CSNK1G1: variants seen among roughly 807,000 people sequenced by gnomAD.
The protein encoded by CSNK1G1 is casein kinase 1 gamma 1.
In CSNK1G1, 22 loss-of-function variants were observed where a neutral mutation model predicts 59.6. The ratio of observed to expected loss-of-function variants is 0.37; its 90% CI spans 0.26 to 0.53. CSNK1G1 has a LOEUF of 0.53. Among genes scored for constraint, CSNK1G1 ranks in the 20% least tolerant of loss-of-function variants. CSNK1G1 has a pLI of 0.89. For synonymous variants in CSNK1G1, 179 were observed against 177.1 expected (o/e 1.01, Z -0.08); for missense variants, 384 against 519.5 (o/e 0.74, Z 2.54).
At chr15:64,182,333 G>A (rs940764141) in intron 10 of CSNK1G1, among the ~76,000 whole-genome samples, 11 of 152,054 alleles carry the variant, frequency 7.2e-5, no homozygotes, top group Non-Finnish European at 1.3e-4. Context: ...TTGGCTTCCC[G>A]AAGTGCTGGG....
At chr15:64,307,618 A>C (rs1047606890) in intron 1 of CSNK1G1, among the ~76,000 whole-genome samples, 2 of 152,224 alleles carry the variant, frequency 1.3e-5, no homozygotes, top group Non-Finnish European at 2.9e-5. Context: ...TCTAATCTTC[A>C]GACTACATTT....
intron 6 of CSNK1G1, among the ~76,000 whole-genome samples, chr15:64,209,699 A>G (rs2140257570): frequency 6.6e-6 from 1 of 151,728 alleles, no homozygotes; most frequent in East Asian, 2.0e-4. Flanking sequence ...ACACAACCTA[A>G]GGATGCACAA....
chr15:64,173,048 G>A (rs1025962299), intron 11 of CSNK1G1, among the ~76,000 whole-genome samples: 2 of 152,228 alleles, frequency 1.3e-5, no homozygotes, highest in Non-Finnish European at 2.9e-5. Context: ...ATGGAGGGCA[G>A]TAAAGTTGGA....
At chr15:64,267,043 G>A (rs1893022752) in intron 2 of CSNK1G1, among the ~76,000 whole-genome samples, 1 of 152,070 alleles carries the variant, frequency 6.6e-6, no homozygotes. Context: ...ATCACTTGAG[G>A]ACAGGAGTTC....
chr15:64,317,043 C>G (rs1187467450), intron 1 of CSNK1G1: 2 of 152,126 alleles, frequency 1.3e-5, no homozygotes, highest in Non-Finnish European at 1.5e-5. Context: ...CCTGCTACAT[C>G]ATAATTCGTA....
At chr15:64,204,840 C>T (rs972852493) in intron 8 of CSNK1G1, 25 bp downstream of exon 8, 4 of 1,500,044 alleles carry the variant, frequency 2.7e-6, no homozygotes, top group Non-Finnish European at 2.8e-6. Context: ...CTCAGTCACA[C>T]TGGAATGTCT....
At chr15:64,268,220 G>A (rs1287659495) in intron 2 of CSNK1G1, among the ~76,000 whole-genome samples, 1 of 152,152 alleles carries the variant, frequency 6.6e-6, no homozygotes, top group African/African-American at 2.4e-5. Flanking sequence ...AATTAGCCAG[G>A]CACAGAAACA....
At chr15:64,212,772 G>A (rs1445548805) in intron 6 of CSNK1G1, among the ~76,000 whole-genome samples, 3 of 152,190 alleles carry the variant, frequency 2.0e-5, no homozygotes, top group East Asian at 3.9e-4. Flanking sequence ...TTGGGAGGCC[G>A]AGGCAGGCAG....
rs74846329 is a variant in CSNK1G1 at position 64,294,396 on chromosome 15, A to G, written c.181+5923T>C. Among the ~76,000 whole-genome samples the G allele has an allele frequency of 8.4e-3, 1,281 of 152,206 alleles. 19 individuals are homozygous for G. Among genetic ancestry groups the G allele is most frequent in the African/African-American group, 0.029 (1,202 of 41,548 alleles). On this transcript the variant is annotated intron_variant, in intron 2 of 11. Transcript: ENST00000303052. Reference sequence around the variant, plus strand: ...GCCATAAGAGGAAGCTTAGAGCACAATTTGATTGCATTTCTAAAATATGTC... The same window carrying G: ...GCCATAAGAGGAAGCTTAGAGCACAGTTTGATTGCATTTCTAAAATATGTC...
rs2081655001 is a variant in CSNK1G1 at position 64,170,775 on chromosome 15, T to A, written c.*1156A>T. On this transcript the variant is annotated 3_prime_UTR_variant, in exon 12 of 12. Coordinates refer to ENST00000303052, the MANE Select transcript of CSNK1G1 (RefSeq NM_022048.5). The stretch of plus-strand genomic sequence containing the variant: ...CAGCATGGGAAACAATTTCAATTTT[T>A]TTTTGTTAAGCATCTCCTTCTCTGG... 6.6e-6 allele frequency: 1 copy of A among 152,584 alleles called. No homozygotes were observed. Among genetic ancestry groups the A allele is most frequent in the Non-Finnish European group, 1.5e-5 (1 of 68,034 alleles). 9.5% of individuals were successfully genotyped at this position (152,584 alleles called of 1,614,324 possible).
intron 3 of CSNK1G1, among the ~76,000 whole-genome samples, chr15:64,255,828 G>C (rs1456484142): frequency 6.6e-6 from 1 of 152,168 alleles, no homozygotes; most frequent in East Asian, 1.9e-4. Context: ...CTTCTAGGAA[G>C]ATTTTCTCTA....
Position 64,214,890 on chromosome 15 carries a change from C to T in CSNK1G1, c.445-766G>A, listed in dbSNP as rs556484055. 8.5e-5 allele frequency among the ~76,000 whole-genome samples: 13 copies of T among 152,202 alleles called. No individual in the cohort carries two copies. Among genetic ancestry groups the T allele is most frequent in the Admixed American group, 5.2e-4 (8 of 15,292 alleles). On this transcript the variant is annotated intron_variant, in intron 5 of 11. Transcript: ENST00000303052. The surrounding 1 kb of genome is among the most constrained non-coding windows in gnomAD (Gnocchi z 4.3). ...CTGACCTTGGGTGATCCGTCCTCCT[C>T]GGCCTCCCAAAATGCTAGGATTACA...
intron 4 of CSNK1G1, among the ~76,000 whole-genome samples, chr15:64,246,222 T>C (rs556209172): frequency 2.6e-4 from 39 of 152,340 alleles, no homozygotes; most frequent in African/African-American, 9.4e-4. Flanking sequence ...GTATATTATG[T>C]ATCAATTTTA....
chr15:64,238,295 C>G (rs1038858365), intron 4 of CSNK1G1, among the ~76,000 whole-genome samples: 1 of 151,108 alleles, frequency 6.6e-6, no homozygotes, highest in African/African-American at 2.4e-5. Flanking sequence ...AAACATGCAG[C>G]CTGGGCAACA....
intron 1 of CSNK1G1, among the ~76,000 whole-genome samples, chr15:64,317,246 G>A (rs866699452): frequency 6.6e-6 from 1 of 152,146 alleles, no homozygotes; most frequent in East Asian, 1.9e-4. Context: ...GCGCCACTAC[G>A]CCCGGCTAAT....
Position 64,203,192 on chromosome 15 carries a change from A to C in CSNK1G1, c.1000-3T>G, listed in dbSNP as rs777225635. ...TGAACTGACCCTACTGGAGTAGGCTAGAAAAATGAAACAAAAAGTCAAATG... is the reference window on the plus strand; with the variant it reads ...TGAACTGACCCTACTGGAGTAGGCTCGAAAAATGAAACAAAAAGTCAAATG... On this transcript the variant is annotated splice_region_variant and splice_polypyrimidine_tract_variant and intron_variant, in intron 9 of 11. Transcript: ENST00000303052. The C allele has an allele frequency of 1.2e-6, 2 of 1,608,238 alleles. No individual in the cohort carries two copies. The highest frequency in any genetic ancestry group is 1.7e-6 in the Non-Finnish European group (2 of 1,174,778).
intron 2 of CSNK1G1, among the ~76,000 whole-genome samples, chr15:64,261,477 T>A (rs1035776321): frequency 1.3e-5 from 2 of 152,106 alleles, no homozygotes; most frequent in African/African-American, 4.8e-5. Context: ...GGTGGGCACC[T>A]GTAATCCCAG....
At chr15:64,321,012 T>A (rs921532766) in intron 1 of CSNK1G1, among the ~76,000 whole-genome samples, 5 of 151,996 alleles carry the variant, frequency 3.3e-5, no homozygotes, top group Admixed American at 2.0e-4. Context: ...CAATACAAAT[T>A]CGTAATATAA....
At chr15:64,244,535 A>T (rs1891651665) in intron 4 of CSNK1G1, among the ~76,000 whole-genome samples, 1 of 152,120 alleles carries the variant, frequency 6.6e-6, no homozygotes, top group Non-Finnish European at 1.5e-5. Flanking sequence ...ACAATCCTAA[A>T]ATTCTTATGA....
Sources: allele counts gnomAD v4.1 joint callset (sites outside exome capture counted in the v4.1 genomes callset), GRCh38; gene constraint gnomAD v4.1.1; non-coding constraint Gnocchi (gnomAD v3.1); transcripts MANE v1.5; gene names NCBI Gene and HGNC (gene_info 2026-07-23, HGNC 2026-07-21).